The following MCM6 variants were observed in gnomAD, a reference collection of about 807,000 sequenced individuals.
The protein encoded by MCM6 is DNA replication licensing factor MCM6.
MCM6 carries 46 observed loss-of-function variants against 94.3 expected under a neutral mutation model. The ratio of observed to expected loss-of-function variants is 0.49; its 90% CI spans 0.39 to 0.62. The LOEUF is 0.62. Among genes scored for constraint, MCM6 ranks in the 20% least tolerant of loss-of-function variants. The probability of loss-of-function intolerance (pLI) is 0.00; values close to 1 mark genes in which losing one functional copy is unlikely to be tolerated. For missense variants in MCM6, 865 were observed against 1,017.9 expected, an observed-to-expected ratio of 0.85 and a Z score of 2.04; for synonymous variants, 335 against 351.9, an observed-to-expected ratio of 0.95 and a Z score of 0.54.
In MCM6 at chr2:135,866,284, C is replaced by T. The variant is rs1354296308; in HGVS notation, c.782-7G>A. The T allele has an allele frequency of 1.9e-6, 3 of 1,613,758 alleles. No individual in the cohort carries two copies. The highest frequency in any genetic ancestry group is 1.7e-6 in the Non-Finnish European group (2 of 1,179,920). ...TTAGTTTCTGCACGTGCTCCTGAAA[C>T]AGAATGATAGGTTGTTTCACAACTT... On this transcript the variant is annotated splice_polypyrimidine_tract_variant and splice_region_variant and intron_variant, in intron 5 of 16. Transcript: ENST00000264156.
intron 1 of MCM6, among the ~76,000 whole-genome samples, chr2:135,874,674 T>C (rs1205542862): frequency 6.6e-6 from 1 of 152,186 alleles, no homozygotes; most frequent in African/African-American, 2.4e-5. Flanking sequence ...CTGAAACTTT[T>C]TGAGTGCTGA....
intron 4 of MCM6, among the ~76,000 whole-genome samples, chr2:135,868,160 C>A (rs929351179): frequency 6.6e-6 from 1 of 152,196 alleles, no homozygotes; most frequent in African/African-American, 2.4e-5. Flanking sequence ...ACCTCCAGGT[C>A]TCACATCAAA....
intron 16 of MCM6, 120 bp downstream of exon 16, chr2:135,844,425 C>T (rs996609722): frequency 3.8e-6 from 3 of 792,868 alleles, no homozygotes; most frequent in Non-Finnish European, 5.4e-6. Flanking sequence ...ATACTTCTGA[C>T]TACACTCCAA....
chr2:135,873,461 C>T (rs309130), intron 1 of MCM6, among the ~76,000 whole-genome samples: 2 of 152,132 alleles, frequency 1.3e-5, no homozygotes, highest in Admixed American at 6.5e-5. Flanking sequence ...CCCAAGACTT[C>T]GGGAAAATTG....
rs774949484 is a variant in MCM6 at position 135,870,263 on chromosome 2, G to A, written c.353C>T (p.Pro118Leu). The stretch of plus-strand genomic sequence containing the variant: ...AAGGGTTTCTTACTTGTGTCTGGTA[G>A]GCAGGTCTTGGAATGCAACATAAAA... ...KDFYVAFQDL[P>L]TRHKIRELTS... Residue 118 changes from proline to leucine, a missense_variant, in exon 3 of 17, where the codon CCT becomes CTT. Pro to Leu is a moderately conservative substitution (Grantham distance 98). Transcript: ENST00000264156. The A allele has an allele frequency of 3.1e-6, 5 of 1,611,882 alleles. No individual in the cohort carries two copies. The highest frequency in any genetic ancestry group is 4.2e-6 in the Non-Finnish European group (5 of 1,178,012).
intron 16 of MCM6, among the ~76,000 whole-genome samples, chr2:135,843,737 A>AAAAAAAAAC (rs1553437365): frequency 1.1e-4 from 16 of 150,684 alleles, no homozygotes; most frequent in East Asian, 1.0e-3. Flanking sequence ...TCTCAAAAAA[A>AAAAAAAAAC]AAAAAAAAAA....
chr2:135,861,341 T>G (rs2105585259), intron 8 of MCM6, among the ~76,000 whole-genome samples: 1 of 152,220 alleles, frequency 6.6e-6, no homozygotes, highest in East Asian at 1.9e-4. Flanking sequence ...CTTGTAGGCT[T>G]GGAGAGGTTG....
At position 135,857,798 on chromosome 2, in the gene MCM6, C is replaced by A. The variant is rs947945343; in HGVS notation, c.1470+99G>T. On this transcript the variant is annotated intron_variant, in intron 10 of 16. Transcript: ENST00000264156. ...TTCCATTTTAATGAACAGCATTACA[C>A]ACTGAAGTAATGAATTTTATCCAGG... 32 of 904,016 alleles carry A rather than the reference C, an allele frequency of 3.5e-5. No individual in the cohort carries two copies. The South Asian group carries it at 3.8e-4, about 11-fold the overall frequency. The allele number at this position is 904,016 out of a possible 1,614,324, so 56.0% of individuals were successfully genotyped here. A position where few individuals can be genotyped will look rare whatever the true frequency, so the allele number is the denominator to read the frequency against.
In MCM6 at chr2:135,876,383, G is replaced by A. The variant is rs1292056028; in HGVS notation, c.-18C>T. On this transcript the variant is annotated 5_prime_UTR_variant, in exon 1 of 17. Transcript: ENST00000264156. ...AGGTCCATATTTGCTTAGTGCCGAGGATTCGCCTGCGCCACGCTCGACCGC... is the reference window on the plus strand; with the variant it reads ...AGGTCCATATTTGCTTAGTGCCGAGAATTCGCCTGCGCCACGCTCGACCGC... 4 of 1,585,326 alleles carry A rather than the reference G, an allele frequency of 2.5e-6. No individual in the cohort carries two copies. The highest frequency in any genetic ancestry group is 3.4e-6 in the Non-Finnish European group (4 of 1,169,056).
chr2:135,847,400 G>A (rs895467463), intron 14 of MCM6, among the ~76,000 whole-genome samples: 3 of 152,122 alleles, frequency 2.0e-5, no homozygotes, highest in Non-Finnish European at 2.9e-5. Context: ...GTGACAGAAT[G>A]AGACCCCATC....
intron 7 of MCM6, among the ~76,000 whole-genome samples, chr2:135,864,011 T>C (rs1680042757): frequency 6.6e-6 from 1 of 152,036 alleles, no homozygotes; most frequent in East Asian, 1.9e-4. Flanking sequence ...CTCGTGAGGC[T>C]GAGGCAGGAG....
intron 11 of MCM6, among the ~76,000 whole-genome samples, chr2:135,854,560 GAAAAAGAAAA>G (rs1558757657): frequency 1.5e-5 from 2 of 132,786 alleles, no homozygotes; most frequent in Non-Finnish European, 1.6e-5. Context: ...AAGAGAAAAA[GAAAAAGAAAA>G]AGAAAAAGAA....
At chr2:135,859,204 T>G in intron 9 of MCM6, 97 bp downstream of exon 9, 1 of 1,059,126 alleles carries the variant, frequency 9.4e-7, no homozygotes, top group Non-Finnish European at 1.4e-6. Context: ...AGAATGCTGT[T>G]TTTAAGGACA....
intron 3 of MCM6, 69 bp downstream of exon 3, chr2:135,870,182 C>T (rs1214389214): frequency 1.5e-5 from 17 of 1,166,490 alleles, no homozygotes; most frequent in Non-Finnish European, 2.6e-6. Context: ...CTCAAGTTTT[C>T]TGACTGTCAG....
chr2:135,876,385 T>C lies in MCM6; in HGVS notation c.-20A>G, dbSNP rs540306471. 1.9e-6 allele frequency: 3 copies of C among 1,582,216 alleles called. No individual in the cohort carries two copies. The highest frequency in any genetic ancestry group is 2.2e-5 in the South Asian group (2 of 89,218). ...GTCCATATTTGCTTAGTGCCGAGGA[T>C]TCGCCTGCGCCACGCTCGACCGCCA... On this transcript the variant is annotated 5_prime_UTR_variant, in exon 1 of 17. Transcript: ENST00000264156.
intron 8 of MCM6, among the ~76,000 whole-genome samples, chr2:135,862,331 T>C (rs1575364885): frequency 2.7e-5 from 3 of 109,156 alleles, no homozygotes; most frequent in Admixed American, 9.1e-5. Context: ...TTTATACAAA[T>C]AATAAAATTT....
At chr2:135,864,455 A>C (rs1004775484) in intron 7 of MCM6, among the ~76,000 whole-genome samples, 3 of 151,914 alleles carry the variant, frequency 2.0e-5, no homozygotes, top group South Asian at 2.1e-4. Context: ...ACATAGCAAA[A>C]CCCCGTCTCT....
At chr2:135,847,043 T>C (rs2105573648) in intron 14 of MCM6, among the ~76,000 whole-genome samples, 1 of 151,354 alleles carries the variant, frequency 6.6e-6, no homozygotes, top group South Asian at 2.1e-4. Context: ...AAAAAAAACA[T>C]GCATACAGTT....
At chr2:135,870,188 G>A in intron 3 of MCM6, 63 bp downstream of exon 3, 3 of 1,218,934 alleles carry the variant, frequency 2.5e-6, no homozygotes, top group Non-Finnish European at 3.6e-6. Context: ...TTTTCTGACT[G>A]TCAGCTAAGT....
Sources: allele counts gnomAD v4.1 joint callset (sites outside exome capture counted in the v4.1 genomes callset), GRCh38; gene constraint gnomAD v4.1.1; transcripts MANE v1.5; gene names NCBI Gene and HGNC (gene_info 2026-07-23, HGNC 2026-07-21).